Variants in ABCD3 observed in about 807,000 individuals in gnomAD.
ABCD3 encodes the protein ATP-binding cassette sub-family D member 3.
Under a neutral mutation model 105.5 loss-of-function variants are expected in ABCD3, and 41 were observed. The observed-to-expected ratio is 0.39, with a 90% CI of 0.30 to 0.50. The LOEUF (loss-of-function observed/expected upper bound fraction) is 0.50, where lower values mean the gene tolerates loss of function less well. ABCD3 is among the 20% of genes least tolerant of loss of function. The pLI is 0.84. For synonymous variants in ABCD3, 258 were observed against 269.0 expected (o/e 0.96, Z 0.40); for missense variants, 622 against 806.3 (o/e 0.77, Z 2.77).
intron 10 of ABCD3, among the ~76,000 whole-genome samples, chr1:94,484,342 G>A (rs1030008125): frequency 7.9e-5 from 12 of 152,172 alleles, no homozygotes; most frequent in African/African-American, 2.4e-4. Flanking sequence ...GCACACATAC[G>A]TTTATTGTGG....
chr1:94,426,843 C>A (rs887333462), intron 1 of ABCD3, among the ~76,000 whole-genome samples: 8 of 121,260 alleles, frequency 6.6e-5, no homozygotes, highest in Non-Finnish European at 6.7e-5. Context: ...CCGCGCCCAG[C>A]CTGAATTTTT....
chr1:94,442,711 G>T (rs1351194655), intron 1 of ABCD3, among the ~76,000 whole-genome samples: 1 of 152,178 alleles, frequency 6.6e-6, no homozygotes, highest in African/African-American at 2.4e-5. Flanking sequence ...TTATAAGTGA[G>T]AACATTTGAT....
In ABCD3 at chr1:94,517,167, T is replaced by G. The variant is rs1650955167; in HGVS notation, c.*38T>G. 1 of 1,437,432 alleles carries G rather than the reference T, an allele frequency of 7.0e-7. No homozygotes were observed. The highest frequency in any genetic ancestry group is 9.8e-7 in the Non-Finnish European group (1 of 1,020,444). 89.0% of individuals were successfully genotyped at this position (1,437,432 alleles called of 1,614,324 possible). On this transcript the variant is annotated 3_prime_UTR_variant, in exon 23 of 23. Transcript: ENST00000370214. ...AACTATACCTGCTTCAGTGAAATAA[T>G]TACAGAATATACTTAGAAAGGCAAA...
intron 1 of ABCD3, among the ~76,000 whole-genome samples, chr1:94,433,433 T>G (rs1452033806): frequency 4.0e-5 from 6 of 151,792 alleles, no homozygotes; most frequent in Admixed American, 3.9e-4. Flanking sequence ...GGATTACAGG[T>G]GTGAGCCACC....
chr1:94,476,179 T>C (rs1648729884), intron 7 of ABCD3, among the ~76,000 whole-genome samples: 1 of 152,180 alleles, frequency 6.6e-6, no homozygotes, highest in Non-Finnish European at 1.5e-5. Flanking sequence ...AGTCAAAAAA[T>C]TTCACAAGAT....
intron 8 of ABCD3, chr1:94,478,605 C>A: frequency 7.8e-7 from 1 of 1,285,042 alleles, no homozygotes; most frequent in East Asian, 2.4e-5. Context: ...AATCCCAGCA[C>A]TTTGGGAGGC....
intron 22 of ABCD3, 27 bp downstream of exon 22, chr1:94,515,229 C>T (rs1202784152): frequency 4.0e-5 from 63 of 1,559,952 alleles, no homozygotes; most frequent in Non-Finnish European, 5.6e-5. Flanking sequence ...TTGAATGGTA[C>T]AGTGAAATTT....
chr1:94,417,955 T>A (rs1659085472), upstream of ABCD3, among the ~76,000 whole-genome samples: 1 of 152,146 alleles, frequency 6.6e-6, no homozygotes, highest in Non-Finnish European at 1.5e-5. Context: ...ATCACTGTGC[T>A]GTGTTTTCCC....
intron 21 of ABCD3, among the ~76,000 whole-genome samples, chr1:94,513,036 A>G (rs371092671): frequency 3.9e-5 from 6 of 152,196 alleles, no homozygotes; most frequent in African/African-American, 1.4e-4. Flanking sequence ...GCATTTTACC[A>G]AAATTCTAAG....
At chr1:94,440,269 A>C (rs939645581) in intron 1 of ABCD3, among the ~76,000 whole-genome samples, 4 of 152,188 alleles carry the variant, frequency 2.6e-5, no homozygotes, top group Non-Finnish European at 5.9e-5. Flanking sequence ...GATTTAGGAT[A>C]ACTTTTCTAA....
At chr1:94,419,210 T>G in intron 1 of ABCD3, 8 of 892,648 alleles carry the variant, frequency 9.0e-6, no homozygotes, top group Non-Finnish European at 1.1e-5. Flanking sequence ...CTTTGGTCGG[T>G]GAACATTTGG....
In ABCD3 at chr1:94,478,541, G is replaced by A. The variant is rs1054248199; in HGVS notation, c.684+226G>A. 4 of 1,598,358 alleles carry A rather than the reference G, an allele frequency of 2.5e-6. No individual in the cohort carries two copies. The African/African-American group carries it at 4.0e-5, about 16-fold the overall frequency. On this transcript the variant is annotated intron_variant, in intron 8 of 22. Coordinates refer to ENST00000370214, the MANE Select transcript of ABCD3 (RefSeq NM_002858.4). Reference sequence around the variant, plus strand: ...TAAATTAGGTACTTGGAAAAATTTTGTGGCATTAAAAACCAGACAAATGTA... The same window carrying A: ...TAAATTAGGTACTTGGAAAAATTTTATGGCATTAAAAACCAGACAAATGTA...
chr1:94,405,566 A>G, the ABCD3 span, among the ~76,000 whole-genome samples: 2 of 152,108 alleles, frequency 1.3e-5, no homozygotes, highest in Non-Finnish European at 2.9e-5. Flanking sequence ...GGCCTCCCAA[A>G]GTACTGGGAT....
chr1:94,398,924 A>C, the ABCD3 span, among the ~76,000 whole-genome samples: 50 of 152,210 alleles, frequency 3.3e-4, no homozygotes, highest in African/African-American at 1.1e-3. Flanking sequence ...CCGTCTCAAA[A>C]AAACAAACAA....
chr1:94,395,802 A>G, the ABCD3 span, among the ~76,000 whole-genome samples: 1 of 152,062 alleles, frequency 6.6e-6, no homozygotes, highest in East Asian at 1.9e-4. Flanking sequence ...CTATGAGACT[A>G]CAGTGTGAGT....
intron 20 of ABCD3, among the ~76,000 whole-genome samples, chr1:94,504,001 C>T (rs1325291883): frequency 6.6e-6 from 1 of 151,178 alleles, no homozygotes; most frequent in Non-Finnish European, 1.5e-5. Context: ...TAACCTCCAC[C>T]TCCTGGGTTC....
At chr1:94,405,993 T>C in the ABCD3 span, among the ~76,000 whole-genome samples, 1 of 150,844 alleles carries the variant, frequency 6.6e-6, no homozygotes, top group South Asian at 2.1e-4. Flanking sequence ...ACAGAAAACC[T>C]TTTCTGATAT....
chr1:94,510,252 T>G (rs12121945), intron 21 of ABCD3, among the ~76,000 whole-genome samples: 54,363 of 151,348 alleles, frequency 0.36, 11,327 homozygotes, highest in Middle Eastern at 0.55. Context: ...TATGTACCCA[T>G]TAGTCATTCA....
chr1:94,456,907 A>G (rs879468350), intron 1 of ABCD3, among the ~76,000 whole-genome samples: 8 of 152,194 alleles, frequency 5.3e-5, no homozygotes, highest in Admixed American at 5.2e-4. Flanking sequence ...CGTCCTTGCC[A>G]ACAGTTATCT....
Sources: gnomAD v4.1 joint callset for allele counts (sites outside exome capture counted in the v4.1 genomes callset) on GRCh38, gnomAD v4.1.1 for gene constraint, MANE v1.5 for transcripts, NCBI Gene and HGNC (gene_info 2026-07-23, HGNC 2026-07-21) for gene names.